NUP153: variants seen among roughly 807,000 people sequenced by gnomAD.
NUP153 encodes the protein nuclear pore complex protein Nup153.
A neutral mutation model predicts 134.6 loss-of-function variants in NUP153; 27 were observed. The observed-to-expected ratio is 0.20, with a 90% CI of 0.15 to 0.28. NUP153 has a LOEUF of 0.28. Among genes scored for constraint, NUP153 ranks in the 10% least tolerant of loss-of-function variants. NUP153 has a pLI of 1.00. For synonymous variants in NUP153, 640 were observed against 623.5 expected, an observed-to-expected ratio of 1.03 and a Z score of -0.40; for missense variants, 1,821 against 1,731.3, an observed-to-expected ratio of 1.05 and a Z score of -0.92.
rs557934200 is a variant in NUP153, at chr6:17,625,176, A to G, written c.3902-343T>C. On this transcript the variant is annotated intron_variant, in intron 19 of 21. Coordinates refer to ENST00000262077, the MANE Select transcript of NUP153 (RefSeq NM_005124.4). The surrounding 1 kb of genome is among the most constrained non-coding windows in gnomAD (Gnocchi z 4.7). Reference sequence around the variant, plus strand: ...CTCATGATGTGCATATATACATTGCATAATAAAGACTGATGTTTAATAAAA... The same window carrying G: ...CTCATGATGTGCATATATACATTGCGTAATAAAGACTGATGTTTAATAAAA... Among the ~76,000 whole-genome samples the G allele has an allele frequency of 1.3e-5, 2 of 152,222 alleles. No individual in the cohort carries two copies. The highest frequency in any genetic ancestry group is 2.9e-5 in the Non-Finnish European group (2 of 68,042).
chr6:17,683,366 A>G (rs1338101422), intron 2 of NUP153, among the ~76,000 whole-genome samples: 1 of 152,250 alleles, frequency 6.6e-6, no homozygotes, highest in Non-Finnish European at 1.5e-5. Flanking sequence ...ATGAGACTGG[A>G]AAGTCAAAAT....
At chr6:17,699,666 T>G (rs1769920878) in intron 1 of NUP153, among the ~76,000 whole-genome samples, 1 of 151,958 alleles carries the variant, frequency 6.6e-6, no homozygotes, top group Admixed American at 6.6e-5. Context: ...TGAAACCCCG[T>G]GTCTACTAAA....
chr6:17,651,356 T>C (rs1410609211), intron 11 of NUP153, among the ~76,000 whole-genome samples: 2 of 151,810 alleles, frequency 1.3e-5, no homozygotes, highest in African/African-American at 2.4e-5. Flanking sequence ...TATTAAATAA[T>C]TAAATAATAA....
chr6:17,644,337 C>T (rs1581695018), intron 14 of NUP153, among the ~76,000 whole-genome samples: 1 of 152,276 alleles, frequency 6.6e-6, no homozygotes, highest in South Asian at 2.1e-4. Context: ...CACCACACTG[C>T]TATCACTATA....
At position 17,632,862 on chromosome 6, in the gene NUP153, A is replaced by AC; in HGVS notation, c.2465-19_2465-18insG. 1 of 1,512,816 alleles carries AC rather than the reference A, an allele frequency of 6.6e-7. No homozygotes were observed. The highest frequency in any genetic ancestry group is 8.8e-7 in the Non-Finnish European group (1 of 1,131,712). 93.7% of individuals were successfully genotyped at this position (1,512,816 alleles called of 1,614,324 possible). On this transcript the variant is annotated intron_variant, in intron 16 of 21. Transcript: ENST00000262077. ...TGAACTTCCTAAAAAAAAAAAAAAA[A>AC]ACGGGGAGTGGGGGGAGATTTCATG...
intron 10 of NUP153, 31 bp from the exon 11 acceptor site, chr6:17,661,810 G>C: frequency 6.2e-7 from 1 of 1,600,390 alleles, no homozygotes; most frequent in Non-Finnish European, 8.5e-7. Context: ...TAAAACAACT[G>C]ATATATTATT....
At chr6:17,639,831 C>A in intron 15 of NUP153, 108 bp downstream of exon 15, 1 of 961,738 alleles carries the variant, frequency 1.0e-6, no homozygotes, top group Non-Finnish European at 1.5e-6. Context: ...AAGTAAATCT[C>A]CTACCAAACT....
At chr6:17,672,105 A>C (rs917467528) in intron 5 of NUP153, among the ~76,000 whole-genome samples, 3 of 152,184 alleles carry the variant, frequency 2.0e-5, no homozygotes, top group African/African-American at 4.8e-5. Context: ...AAAAAAGCCA[A>C]AACAAGCTTG....
At chr6:17,699,842 A>G (rs961919697) in intron 1 of NUP153, among the ~76,000 whole-genome samples, 1 of 152,232 alleles carries the variant, frequency 6.6e-6, no homozygotes, top group African/African-American at 2.4e-5. Context: ...CTCAAAAAAA[A>G]AGAAAAGTAA....
chr6:17,658,624 C>T (rs1444998634), intron 11 of NUP153, among the ~76,000 whole-genome samples: 1 of 152,122 alleles, frequency 6.6e-6, no homozygotes, highest in Non-Finnish European at 1.5e-5. Flanking sequence ...TCAACGTTAG[C>T]CATTCTATGG....
At chr6:17,627,582 G>A (rs1765008853) in intron 18 of NUP153, among the ~76,000 whole-genome samples, 1 of 152,014 alleles carries the variant, frequency 6.6e-6, no homozygotes, top group African/African-American at 2.4e-5. Context: ...TGCCACCTCC[G>A]CCTCCCAGGT....
In NUP153 at chr6:17,625,967, T is replaced by C. The variant is rs1285010976; in HGVS notation, c.3742A>G (p.Thr1248Ala). 1.2e-6 allele frequency: 2 copies of C among 1,614,120 alleles called. No individual in the cohort carries two copies. Among genetic ancestry groups the C allele is most frequent in the Middle Eastern group, 1.6e-4 (1 of 6,062 alleles). ...SAFGNTAESS[T>A]SQSLLFSQDS... The stretch of plus-strand genomic sequence containing the variant: ...TGAGAAAATAGCAAAGACTGAGAGG[T>C]GCTGGATTCAGCAGTGTTACCAAAG... The change falls in exon 19 of 22, where the codon ACC (threonine) becomes GCC (alanine). Residue 1248 changes from threonine (T) to alanine (A), a missense_variant. Transcript: ENST00000262077. This position sits in a 1 kb window ranked among gnomAD's most constrained non-coding sequence, Gnocchi z 4.7.
Position 17,675,605 on chromosome 6 carries a change from T to G in NUP153, c.500A>C (p.Lys167Thr), listed in dbSNP as rs766915285. ...CTGAGAGGTAGAATCTTTAATTTCC[T>G]TTACAAGGGAAAATCCCGAACTGCC... ...PIGSSGFSLV[K>T]EIKDSTSQHD... Residue 167 changes from lysine to threonine, a missense_variant, in exon 3 of 22, where the codon AAG becomes ACG. Lys to Thr is a moderately conservative substitution (Grantham distance 78, BLOSUM62 -1). Coordinates refer to ENST00000262077, the MANE Select transcript of NUP153 (RefSeq NM_005124.4). This position sits in a 1 kb window ranked among gnomAD's most constrained non-coding sequence, Gnocchi z 4.4. The G allele has an allele frequency of 1.9e-6, 3 of 1,614,130 alleles. No individual in the cohort carries two copies. The highest frequency in any genetic ancestry group is 2.2e-5 in the South Asian group (2 of 91,084).
rs1402450705 is a variant in NUP153, at chr6:17,632,827, A to G, written c.2482T>C (p.Ser828Pro). 2 of 1,350,206 alleles carry G rather than the reference A, an allele frequency of 1.5e-6. No homozygotes were observed. Among genetic ancestry groups the G allele is most frequent in the South Asian group, 2.4e-5 (2 of 83,374 alleles). 83.6% of individuals were successfully genotyped at this position (1,350,206 alleles called of 1,614,324 possible). ...GAGACAGGTACAGTGCTGCTACTTG[A>G]AGCAGGTACTGAACTTCCTAAAAAA... ...SEKPGSSVPA[S>P]SSSTVPVSLP... The change falls in exon 17 of 22, where the codon TCA becomes CCA. Residue 828 changes from serine to proline, a missense_variant. Transcript: ENST00000262077.
At chr6:17,623,865 A>G (rs1276398431) in intron 20 of NUP153, among the ~76,000 whole-genome samples, 3 of 152,208 alleles carry the variant, frequency 2.0e-5, no homozygotes, top group Non-Finnish European at 4.4e-5. Flanking sequence ...AACCCAAAGA[A>G]CAGTGATTAC....
At chr6:17,704,767 T>C (rs953812145) in intron 1 of NUP153, among the ~76,000 whole-genome samples, 3 of 151,784 alleles carry the variant, frequency 2.0e-5, no homozygotes, top group South Asian at 2.1e-4. Context: ...TACTTTTTTT[T>C]TTTTTCTTCG....
At chr6:17,648,509 C>A (rs965890716) in intron 12 of NUP153, among the ~76,000 whole-genome samples, 1 of 152,122 alleles carries the variant, frequency 6.6e-6, no homozygotes, top group African/African-American at 2.4e-5. Flanking sequence ...CCCAGCTACT[C>A]AGGAGGCTGA....
At chr6:17,648,375 G>A in intron 12 of NUP153, among the ~76,000 whole-genome samples, 1 of 152,130 alleles carries the variant, frequency 6.6e-6, no homozygotes, top group Admixed American at 6.6e-5. Flanking sequence ...CTAGCACTTT[G>A]GGAGGCCAAG....
intron 18 of NUP153, 145 bp from the exon 19 acceptor site, chr6:17,626,309 G>C: frequency 1.6e-6 from 1 of 622,016 alleles, no homozygotes; most frequent in East Asian, 2.8e-5. Context: ...TCATCAAATG[G>C]ACATCTGTTT....
Sources: allele counts gnomAD v4.1 joint callset (sites outside exome capture counted in the v4.1 genomes callset), GRCh38; gene constraint gnomAD v4.1.1; non-coding constraint Gnocchi (gnomAD v3.1); transcripts MANE v1.5; gene names NCBI Gene and HGNC (gene_info 2026-07-23, HGNC 2026-07-21).